ACACA: variants seen among roughly 807,000 people sequenced by gnomAD.
ACACA encodes acetyl-CoA carboxylase 1.
A neutral mutation model predicts 296.1 loss-of-function variants in ACACA; 103 were observed. The observed-to-expected ratio is 0.35, with a 90% CI of 0.30 to 0.41. ACACA has a LOEUF of 0.41. Ranked by LOEUF, ACACA falls within the 10% of genes least tolerant of loss-of-function variation. ACACA has a pLI of 1.00. For synonymous variants in ACACA, 953 were observed against 1,038.6 expected (o/e 0.92, Z 1.58); for missense variants, 1,554 against 2,989.7 (o/e 0.52, Z 11.20).
intron 39 of ACACA, among the ~76,000 whole-genome samples, chr17:37,185,790 A>G (rs2077509703): frequency 6.6e-6 from 1 of 152,032 alleles, no homozygotes; most frequent in African/African-American, 2.4e-5. Context: ...GCTGGTCTCG[A>G]ACTCCTGACC....
At chr17:37,316,302 T>TACATACACACACACACACAC (rs1362904609) in intron 3 of ACACA, among the ~76,000 whole-genome samples, 1 of 142,506 alleles carries the variant, frequency 7.0e-6, no homozygotes, top group Non-Finnish European at 1.5e-5. Flanking sequence ...TACCCTTACA[T>TACATACACACACACACACAC]ACACACACAC....
chr17:37,103,627 A>C (rs2073492807), intron 52 of ACACA, among the ~76,000 whole-genome samples: 1 of 152,162 alleles, frequency 6.6e-6, no homozygotes, highest in Non-Finnish European at 1.5e-5. Context: ...TATCCAAAAT[A>C]AAAAGTCCCT....
intron 3 of ACACA, among the ~76,000 whole-genome samples, chr17:37,315,764 TACCAGAACCTCTATGTGTTG>T (rs2047057251): frequency 6.6e-6 from 1 of 152,196 alleles, no homozygotes; most frequent in Non-Finnish European, 1.5e-5. Flanking sequence ...CATACAGCTC[TACCAGAACCTCTATGTGTTG>T]ACCATCCCAG....
intron 11 of ACACA, among the ~76,000 whole-genome samples, chr17:37,260,881 G>T (rs555499081): frequency 6.6e-6 from 1 of 152,060 alleles, no homozygotes; most frequent in Non-Finnish European, 1.5e-5. Flanking sequence ...TCTATTTTTG[G>T]GGGGGTCCGC....
At chr17:37,155,862 C>A (rs2076220872) in intron 42 of ACACA, 82 bp from the exon 43 acceptor site, 5 of 947,104 alleles carry the variant, frequency 5.3e-6, no homozygotes, top group Non-Finnish European at 8.5e-6. Context: ...CATAATGAAG[C>A]TTGTTCCACA....
chr17:37,144,885 A>G (rs899128684), intron 45 of ACACA, among the ~76,000 whole-genome samples: 2 of 152,122 alleles, frequency 1.3e-5, no homozygotes, highest in South Asian at 2.1e-4. Context: ...TGGTGAATCT[A>G]TCACCTGCAT....
chr17:37,286,459 A>G (rs151213640), intron 3 of ACACA, among the ~76,000 whole-genome samples: 3 of 152,222 alleles, frequency 2.0e-5, no homozygotes, highest in Non-Finnish European at 4.4e-5. Context: ...GCTCTGTGAC[A>G]ATGGGGCCAA....
At chr17:37,102,636 G>A (rs2073432718) in intron 52 of ACACA, among the ~76,000 whole-genome samples, 1 of 152,240 alleles carries the variant, frequency 6.6e-6, no homozygotes, top group Admixed American at 6.5e-5. Flanking sequence ...AGGGAAACCA[G>A]CTGGAGAGTT....
chr17:37,388,037 C>T (rs1188121088), intron 1 of ACACA: 2 of 152,000 alleles, frequency 1.3e-5, no homozygotes, highest in East Asian at 3.9e-4. Flanking sequence ...TGGTGGCGTT[C>T]GCCTGTGGTC....
chr17:37,242,518 A>G (rs1412880017), intron 22 of ACACA, among the ~76,000 whole-genome samples: 1 of 152,030 alleles, frequency 6.6e-6, no homozygotes. Context: ...GCTTGAGCCC[A>G]TGAGTTCAAT....
At chr17:37,218,668 C>A (rs2079145323) in intron 29 of ACACA, among the ~76,000 whole-genome samples, 1 of 152,142 alleles carries the variant, frequency 6.6e-6, no homozygotes, top group Admixed American at 6.5e-5. Context: ...TTTTGAGAAT[C>A]ATTAATCTAG....
At chr17:37,322,395 TA>T (rs1358979015) in intron 3 of ACACA, among the ~76,000 whole-genome samples, 2 of 152,172 alleles carry the variant, frequency 1.3e-5, no homozygotes, top group Non-Finnish European at 2.9e-5. Context: ...GACTTGAACA[TA>T]TGTTTTAAGA....
chr17:37,086,948 A>T lies in ACACA; in HGVS notation c.*368T>A. ...GCTGCTCACTGCTGGGCAACTCCTCACGCTTCCCCATGCTGGGAGGCCAAG... is the reference window on the plus strand; with the variant it reads ...GCTGCTCACTGCTGGGCAACTCCTCTCGCTTCCCCATGCTGGGAGGCCAAG... On this transcript the variant is annotated 3_prime_UTR_variant, in exon 56 of 56. Transcript: ENST00000616317. The T allele has an allele frequency of 2.8e-6, 1 of 351,952 alleles. No individual in the cohort carries two copies. The highest frequency in any genetic ancestry group is 5.5e-6 in the Non-Finnish European group (1 of 181,540). 21.8% of individuals were successfully genotyped at this position (351,952 alleles called of 1,614,324 possible). A position where few individuals can be genotyped will look rare whatever the true frequency, so the allele number is the denominator to read the frequency against.
At chr17:37,357,847 G>A (rs1274618563) in intron 1 of ACACA, among the ~76,000 whole-genome samples, 2 of 152,082 alleles carry the variant, frequency 1.3e-5, no homozygotes, top group African/African-American at 2.4e-5. Context: ...CTCAAGAAGG[G>A]ACAAATATGA....
At chr17:37,366,359 ATCG>A (rs1295398803) in intron 1 of ACACA, among the ~76,000 whole-genome samples, 2 of 152,158 alleles carry the variant, frequency 1.3e-5, no homozygotes, top group Non-Finnish European at 1.5e-5. Context: ...TAGAGCCTTT[ATCG>A]TCAAGAAAAA....
intron 45 of ACACA, 70 bp from the exon 46 acceptor site, chr17:37,130,288 G>A (rs1174454413): frequency 2.3e-5 from 37 of 1,575,722 alleles, no homozygotes; most frequent in East Asian, 6.7e-5. Context: ...TTCACAAGTC[G>A]CACTAAAATG....
chr17:37,105,639 C>A (rs571478382), intron 52 of ACACA, among the ~76,000 whole-genome samples: 1 of 151,870 alleles, frequency 6.6e-6, no homozygotes, highest in Non-Finnish European at 1.5e-5. Flanking sequence ...CCGAGGCGGG[C>A]GGATCACCTG....
At chr17:37,353,137 T>C (rs2147501180) in intron 1 of ACACA, among the ~76,000 whole-genome samples, 1 of 152,270 alleles carries the variant, frequency 6.6e-6, no homozygotes, top group African/African-American at 2.4e-5. Flanking sequence ...AAAGTAAAAT[T>C]AAACAGCTTG....
intron 1 of ACACA, 41 bp from the exon 2 acceptor site, chr17:37,339,891 GAAAC>G: frequency 2.0e-6 from 2 of 1,022,420 alleles, no homozygotes; most frequent in Non-Finnish European, 3.0e-6. Context: ...TTTTTTTTAA[GAAAC>G]AAACTTTTGT....
Sources: allele counts gnomAD v4.1 joint callset (sites outside exome capture counted in the v4.1 genomes callset), GRCh38; gene constraint gnomAD v4.1.1; transcripts MANE v1.5; gene names NCBI Gene and HGNC (gene_info 2026-07-23, HGNC 2026-07-21).